PHF21A: variants seen among roughly 807,000 people sequenced by gnomAD.
PHF21A encodes the protein PHD finger protein 21A.
In PHF21A, 11 loss-of-function variants were observed where a neutral mutation model predicts 82.5. The ratio of observed to expected loss-of-function variants is 0.13; its 90% CI spans 0.08 to 0.22. The LOEUF (loss-of-function observed/expected upper bound fraction) is 0.22, where lower values mean the gene tolerates loss of function less well. PHF21A is among the 10% of genes least tolerant of loss of function. The pLI is 1.00. For synonymous variants in PHF21A, 297 were observed against 302.8 expected, an observed-to-expected ratio of 0.98 and a Z score of 0.20; for missense variants, 579 against 837.8, an observed-to-expected ratio of 0.69 and a Z score of 3.81.
chr11:45,974,498 G>A (rs2093931207), intron 7 of PHF21A, among the ~76,000 whole-genome samples: 2 of 151,838 alleles, frequency 1.3e-5, no homozygotes, highest in African/African-American at 4.8e-5. Context: ...CTGTCACCCA[G>A]GCTAGAGTGC....
intron 6 of PHF21A, among the ~76,000 whole-genome samples, chr11:46,056,134 T>C (rs2096452946): frequency 2.6e-5 from 4 of 152,194 alleles, no homozygotes; most frequent in Admixed American, 2.6e-4. Context: ...ATACCCTTTA[T>C]GTAATTTAAT....
At chr11:45,993,392 T>C (rs1241596530) in intron 6 of PHF21A, among the ~76,000 whole-genome samples, 1 of 152,122 alleles carries the variant, frequency 6.6e-6, no homozygotes, top group Non-Finnish European at 1.5e-5. Flanking sequence ...GCTAATTATG[T>C]TAACTGTCAT....
chr11:46,033,301 G>A (rs991174878), intron 6 of PHF21A, among the ~76,000 whole-genome samples: 3 of 152,114 alleles, frequency 2.0e-5, no homozygotes, highest in African/African-American at 2.4e-5. Flanking sequence ...GTCTTACTCT[G>A]TTGCCTAGAT....
intron 18 of PHF21A, chr11:45,935,321 ACT>A (rs1001022053): frequency 2.8e-5 from 32 of 1,158,126 alleles, no homozygotes; most frequent in Non-Finnish European, 3.3e-5. Context: ...CCCCCCACAC[ACT>A]GTCAGGAATA....
At chr11:46,018,444 A>G (rs982422501) in intron 6 of PHF21A, among the ~76,000 whole-genome samples, 15 of 152,170 alleles carry the variant, frequency 9.9e-5, no homozygotes, top group Non-Finnish European at 2.1e-4. Flanking sequence ...GCCAGTTGGG[A>G]AAAATCTATA....
At chr11:46,102,477 A>G (rs575077171) in intron 1 of PHF21A, among the ~76,000 whole-genome samples, 24 of 152,380 alleles carry the variant, frequency 1.6e-4, no homozygotes, top group Admixed American at 3.9e-4. Flanking sequence ...TCAAGGAAAG[A>G]AAGCCTAGTC....
At chr11:45,953,994 T>TTTG (rs914282664) in intron 10 of PHF21A, among the ~76,000 whole-genome samples, 12 of 152,298 alleles carry the variant, frequency 7.9e-5, no homozygotes, top group South Asian at 2.1e-4. Flanking sequence ...CCTGCTATTT[T>TTTG]TTGTTGTTGT....
intron 6 of PHF21A, among the ~76,000 whole-genome samples, chr11:45,983,231 A>T (rs1221658627): frequency 6.6e-6 from 1 of 152,100 alleles, no homozygotes; most frequent in Non-Finnish European, 1.5e-5. Flanking sequence ...AAAGCCGTGG[A>T]AGCTTGGGGT....
chr11:46,109,872 C>T (rs1012987007), intron 1 of PHF21A, among the ~76,000 whole-genome samples: 19 of 150,752 alleles, frequency 1.3e-4, no homozygotes, highest in Non-Finnish European at 2.9e-5. Flanking sequence ...CCCAACTACT[C>T]GGGAAGGCTG....
At position 46,055,115 on chromosome 11, in the gene PHF21A, T is replaced by C. The variant is rs190261731; in HGVS notation, c.153+21639A>G. Among the ~76,000 whole-genome samples the C allele has an allele frequency of 5.2e-3, 795 of 152,286 alleles. 8 individuals are homozygous for C. The highest frequency in any genetic ancestry group is 0.018 in the African/African-American group (745 of 41,566). ...CCTCTACCATTTCCATTTTGGACTT[T>C]TAAATTATGGCGAGAACTTAAGATA... is the stretch of plus-strand genomic sequence containing the variant. On this transcript the variant is annotated intron_variant, in intron 6 of 18. Coordinates refer to ENST00000676320, the MANE Select transcript of PHF21A (RefSeq NM_001352027.3).
At chr11:45,955,054 G>A (rs2092519651) in intron 10 of PHF21A, among the ~76,000 whole-genome samples, 2 of 152,178 alleles carry the variant, frequency 1.3e-5, no homozygotes, top group African/African-American at 4.8e-5. Flanking sequence ...CCAGTGCTCT[G>A]GGGCACAAAT....
intron 6 of PHF21A, among the ~76,000 whole-genome samples, chr11:45,984,875 A>C (rs2136425163): frequency 6.6e-6 from 1 of 152,318 alleles, no homozygotes; most frequent in East Asian, 1.9e-4. Context: ...GGCCACACCC[A>C]CTCAAGACAT....
chr11:46,075,783 TAAATG>T (rs1164158528), intron 6 of PHF21A, among the ~76,000 whole-genome samples: 1 of 152,208 alleles, frequency 6.6e-6, no homozygotes, highest in Non-Finnish European at 1.5e-5. Context: ...TCCCCTCAGT[TAAATG>T]AAAACACAAT....
chr11:45,937,451 G>T (rs991294959), intron 16 of PHF21A, among the ~76,000 whole-genome samples: 3 of 152,150 alleles, frequency 2.0e-5, no homozygotes, highest in Admixed American at 6.5e-5. Context: ...TAACAAAATA[G>T]GTTAAAAGTG....
chr11:45,941,038 T>G (rs1590975611), intron 15 of PHF21A, among the ~76,000 whole-genome samples: 1 of 152,356 alleles, frequency 6.6e-6, no homozygotes, highest in South Asian at 2.1e-4. Flanking sequence ...TTAAAGTTAC[T>G]GAGGATCCCA....
chr11:45,942,591 G>C (rs2090556648), intron 15 of PHF21A, among the ~76,000 whole-genome samples: 1 of 152,210 alleles, frequency 6.6e-6, no homozygotes, highest in African/African-American at 2.4e-5. Flanking sequence ...AGTCAGGAAA[G>C]CGAGACAAAA....
At chr11:46,117,052 T>C (rs1851531970) in intron 1 of PHF21A, 2 of 152,372 alleles carry the variant, frequency 1.3e-5, no homozygotes, top group African/African-American at 4.8e-5. Context: ...AAAGTTAGCA[T>C]TTAAAGACAG....
At chr11:46,026,570 T>A (rs984581318) in intron 6 of PHF21A, among the ~76,000 whole-genome samples, 2 of 152,132 alleles carry the variant, frequency 1.3e-5, no homozygotes, top group African/African-American at 4.8e-5. Context: ...TCAAACAAGT[T>A]TATGTGGTAA....
intron 3 of PHF21A, among the ~76,000 whole-genome samples, chr11:46,085,022 G>C (rs2096840063): frequency 6.6e-6 from 1 of 151,984 alleles, no homozygotes; most frequent in East Asian, 1.9e-4. Context: ...GGACTGGAGA[G>C]TTCAGGGTTT....
Sources: allele counts gnomAD v4.1 joint callset (sites outside exome capture counted in the v4.1 genomes callset), GRCh38; gene constraint gnomAD v4.1.1; transcripts MANE v1.5; gene names NCBI Gene and HGNC (gene_info 2026-07-23, HGNC 2026-07-21).